The following GPHN variants were observed in gnomAD, a reference collection of about 807,000 sequenced individuals.
The protein encoded by GPHN is gephyrin.
GPHN carries 17 observed loss-of-function variants against 95.5 expected under a neutral mutation model. The observed-to-expected ratio is 0.18, with a 90% CI of 0.12 to 0.27. The LOEUF (loss-of-function observed/expected upper bound fraction) is 0.27, where lower values mean the gene tolerates loss of function less well. Among genes scored for constraint, GPHN ranks in the 10% least tolerant of loss-of-function variants. The probability of loss-of-function intolerance (pLI) is 1.00; values close to 1 mark genes in which losing one functional copy is unlikely to be tolerated. For synonymous variants in GPHN, 320 were observed against 322.5 expected, an observed-to-expected ratio of 0.99 and a Z score of 0.08; for missense variants, 660 against 978.1, an observed-to-expected ratio of 0.67 and a Z score of 4.34.
the GPHN span, among the ~76,000 whole-genome samples, chr14:67,202,024 G>A: frequency 5.3e-5 from 8 of 152,282 alleles, no homozygotes; most frequent in South Asian, 1.7e-3. Context: ...TCAGGTATCA[G>A]CTAGAGGTCT....
At chr14:67,174,106 G>A (rs1425352017) in intron 21 of GPHN, among the ~76,000 whole-genome samples, 1 of 152,152 alleles carries the variant, frequency 6.6e-6, no homozygotes. Context: ...AACTTCTGGG[G>A]TACATGTGCA....
the GPHN span, among the ~76,000 whole-genome samples, chr14:67,362,215 T>C: frequency 5.2e-4 from 79 of 152,102 alleles, no homozygotes; most frequent in Non-Finnish European, 9.4e-4. Flanking sequence ...AAATGGGGTT[T>C]CACCATGTTG....
At chr14:67,622,840 A>G in the GPHN span, among the ~76,000 whole-genome samples, 4 of 152,166 alleles carry the variant, frequency 2.6e-5, no homozygotes, top group African/African-American at 9.7e-5. Context: ...CCTCTTCTGG[A>G]GGAGACCTCT....
At chr14:66,955,244 T>A (rs866179434) in intron 8 of GPHN, among the ~76,000 whole-genome samples, 6 of 152,226 alleles carry the variant, frequency 3.9e-5, no homozygotes, top group African/African-American at 1.4e-4. Flanking sequence ...CCTGGGCTTT[T>A]CCTTGTTGAA....
chr14:66,620,204 A>G (rs974332233), intron 1 of GPHN, among the ~76,000 whole-genome samples: 1 of 152,180 alleles, frequency 6.6e-6, no homozygotes, highest in East Asian at 1.9e-4. Context: ...CCTCTACTCA[A>G]AAGGCAGTAT....
intron 16 of GPHN, among the ~76,000 whole-genome samples, chr14:67,118,961 T>C (rs1431628583): frequency 6.6e-6 from 1 of 152,106 alleles, no homozygotes. Context: ...AGTCATAAGA[T>C]TTTTATGAGG....
At chr14:66,627,218 C>A (rs1048951681) in intron 1 of GPHN, among the ~76,000 whole-genome samples, 5 of 151,992 alleles carry the variant, frequency 3.3e-5, no homozygotes, top group African/African-American at 1.2e-4. Flanking sequence ...TTATCATTCT[C>A]TTCCCAGTAG....
At chr14:67,283,109 G>T in the GPHN span, among the ~76,000 whole-genome samples, 1 of 152,052 alleles carries the variant, frequency 6.6e-6, no homozygotes, top group African/African-American at 2.4e-5. Flanking sequence ...AAGACTCCTG[G>T]AATTTGTGAT....
At chr14:67,428,174 C>T in the GPHN span, among the ~76,000 whole-genome samples, 8 of 152,152 alleles carry the variant, frequency 5.3e-5, no homozygotes, top group African/African-American at 1.9e-4. Context: ...CCGCCTCAGC[C>T]TCCCAAAGTG....
intron 3 of GPHN, among the ~76,000 whole-genome samples, chr14:66,800,605 T>C (rs1461886247): frequency 6.6e-6 from 1 of 152,088 alleles, no homozygotes; most frequent in East Asian, 1.9e-4. Context: ...CTCATGCTGC[T>C]TTTAAGATCC....
chr14:66,692,599 C>T lies in GPHN; in HGVS notation c.143+11414C>T, dbSNP rs7156350. Among the ~76,000 whole-genome samples, 50 of 152,176 alleles carry T rather than the reference C, an allele frequency of 3.3e-4. 1 individual carries two copies. The highest frequency in any genetic ancestry group is 5.6e-4 in the Non-Finnish European group (38 of 67,980). On this transcript the variant is annotated intron_variant, in intron 2 of 22. Transcript: ENST00000478722. ...AGCAAGTGGGGAACACAGATGTCTA[C>T]CTTTTTTTCTTATCGAACAGTTTTC... is the stretch of plus-strand genomic sequence containing the variant.
chr14:67,549,147 A>C, the GPHN span, among the ~76,000 whole-genome samples: 1 of 152,198 alleles, frequency 6.6e-6, no homozygotes, highest in Non-Finnish European at 1.5e-5. Context: ...GCATAAAATC[A>C]TCATGGAATG....
chr14:66,994,274 G>A (rs2071622928), intron 9 of GPHN, among the ~76,000 whole-genome samples: 1 of 152,080 alleles, frequency 6.6e-6, no homozygotes, highest in Non-Finnish European at 1.5e-5. Flanking sequence ...GCTGAAGCGA[G>A]AGAATTGCTT....
At chr14:66,727,141 C>T (rs1442697693) in intron 2 of GPHN, among the ~76,000 whole-genome samples, 2 of 152,168 alleles carry the variant, frequency 1.3e-5, no homozygotes, top group Non-Finnish European at 1.5e-5. Context: ...CGGGAATTTC[C>T]CTGCACAAGC....
intron 4 of GPHN, among the ~76,000 whole-genome samples, chr14:66,860,879 A>G (rs1596181188): frequency 6.6e-6 from 1 of 152,084 alleles, no homozygotes; most frequent in Admixed American, 6.5e-5. Context: ...AAAACCTACA[A>G]TAGCTACAAA....
At chr14:67,202,530 T>C in the GPHN span, among the ~76,000 whole-genome samples, 1 of 152,256 alleles carries the variant, frequency 6.6e-6, no homozygotes, top group Admixed American at 6.5e-5. Context: ...ATCATTCCTA[T>C]TCTTTTACTA....
the GPHN span, chr14:67,292,552 A>G: frequency 8.1e-6 from 13 of 1,613,322 alleles, no homozygotes; most frequent in Non-Finnish European, 1.0e-5. Flanking sequence ...TATCCAACAT[A>G]CTTTGGTAGA....
the GPHN span, among the ~76,000 whole-genome samples, chr14:67,445,479 A>G: frequency 6.6e-6 from 1 of 152,058 alleles, no homozygotes; most frequent in Non-Finnish European, 1.5e-5. Context: ...TCAGTAAAAA[A>G]GCACACATTT....
chr14:67,593,990 A>G, the GPHN span: 18 of 1,400,982 alleles, frequency 1.3e-5, no homozygotes, highest in Admixed American at 2.7e-4. Context: ...AAGATTACCA[A>G]GTGGTACCAG....
Sources: gnomAD v4.1 joint callset for allele counts (sites outside exome capture counted in the v4.1 genomes callset) on GRCh38, gnomAD v4.1.1 for gene constraint, MANE v1.5 for transcripts, NCBI Gene and HGNC (gene_info 2026-07-23, HGNC 2026-07-21) for gene names.